The following GAS7 variants were observed in gnomAD, a reference collection of about 807,000 sequenced individuals.
GAS7 encodes the protein growth arrest-specific protein 7.
In GAS7, 28 loss-of-function variants were observed where a neutral mutation model predicts 71.1. The ratio of observed to expected loss-of-function variants is 0.39; its 90% confidence interval spans 0.29 to 0.54. GAS7 has a LOEUF of 0.54. GAS7 is among the 20% of genes least tolerant of loss of function. GAS7 has a pLI of 0.62. For synonymous variants in GAS7, 258 were observed against 245.8 expected (o/e 1.05, Z -0.46); for missense variants, 436 against 627.8 (o/e 0.69, Z 3.27).
intron 1 of GAS7, among the ~76,000 whole-genome samples, chr17:10,085,679 G>A (rs1410671695): frequency 1.2e-4 from 14 of 114,050 alleles, no homozygotes; most frequent in Admixed American, 2.3e-4. Flanking sequence ...GCGACAGAGC[G>A]AGATTCCGTC....
chr17:9,957,582 CCT>C (rs1339031092), intron 5 of GAS7, among the ~76,000 whole-genome samples: 4 of 149,502 alleles, frequency 2.7e-5, no homozygotes, highest in Non-Finnish European at 5.9e-5. Flanking sequence ...GACCTCCCCC[CCT>C]TTCTCCTCCC....
chr17:10,107,996 G>A (rs529474628), intron 1 of GAS7, among the ~76,000 whole-genome samples: 169 of 152,268 alleles, frequency 1.1e-3, no homozygotes, highest in Non-Finnish European at 1.9e-3. Context: ...CCCAGTGGGG[G>A]ACTGGGCAAG....
chr17:10,047,581 C>T (rs764779410), intron 1 of GAS7, among the ~76,000 whole-genome samples: 8 of 152,084 alleles, frequency 5.3e-5, no homozygotes, highest in Admixed American at 2.0e-4. Flanking sequence ...AGGAAGAGCA[C>T]GTCTCAGAAA....
chr17:10,133,108 T>TCATATATATATATATATATATATA (rs2074010037), intron 1 of GAS7, among the ~76,000 whole-genome samples: 1 of 124,154 alleles, frequency 8.1e-6, no homozygotes, highest in African/African-American at 3.0e-5. Context: ...TATAATTAGA[T>TCATATATATATATATATATATATA]TATATATTTT....
At chr17:10,188,392 A>G (rs1436966001) in intron 1 of GAS7, among the ~76,000 whole-genome samples, 2 of 152,228 alleles carry the variant, frequency 1.3e-5, no homozygotes, top group African/African-American at 4.8e-5. Context: ...GCTGTGATGT[A>G]ATATACGCTG....
Position 10,102,777 on chromosome 17 carries a change from G to A in GAS7, c.184-82880C>T, listed in dbSNP as rs117546119. 7.9e-3 allele frequency among the ~76,000 whole-genome samples: 1,197 copies of A among 151,322 alleles called. 17 individuals carry two copies. The highest frequency in any genetic ancestry group is 8.0e-3 in the Non-Finnish European group (545 of 67,850). ...TTTTTTTTTTTTGGTTTGGTTTCCG[G>A]GTCTTTATGTTCCCCAGATAATTCC... is the stretch of plus-strand genomic sequence containing the variant. On this transcript the variant is annotated intron_variant, in intron 1 of 13. Coordinates refer to ENST00000432992, the MANE Select transcript of GAS7 (RefSeq NM_201433.2).
rs1361677809 is a variant in GAS7 at position 9,959,588 on chromosome 17, C to T, written c.472-333G>A. ...CTCTGCTGGTGAACGTTCCGCGTGC[C>T]GCTTGCTGCCTGAAGCCGCGGAATC... On this transcript the variant is annotated intron_variant, in intron 4 of 13. Coordinates refer to ENST00000432992, the MANE Select transcript of GAS7 (RefSeq NM_201433.2). The surrounding 1 kb of genome is among the most constrained non-coding windows in gnomAD (Gnocchi z 5.0). The T allele has an allele frequency of 1.7e-5, 10 of 597,520 alleles. No homozygotes were observed. Among genetic ancestry groups the T allele is most frequent in the Middle Eastern group, 5.2e-4 (1 of 1,926 alleles). The allele number at this position is 597,520 out of a possible 1,614,324, so 37.0% of individuals were successfully genotyped here.
At chr17:10,157,285 C>T (rs946563694) in intron 1 of GAS7, among the ~76,000 whole-genome samples, 2 of 151,928 alleles carry the variant, frequency 1.3e-5, no homozygotes, top group Non-Finnish European at 2.9e-5. Context: ...TTGGAGCTGA[C>T]GAGGGGAATA....
At chr17:9,972,503 C>T (rs1177192963) in intron 3 of GAS7, among the ~76,000 whole-genome samples, 2 of 152,140 alleles carry the variant, frequency 1.3e-5, no homozygotes, top group African/African-American at 4.8e-5. Flanking sequence ...GACTGATTAA[C>T]AGACAAAAAC....
At chr17:10,007,401 G>C (rs1322719031) in intron 2 of GAS7, among the ~76,000 whole-genome samples, 1 of 152,014 alleles carries the variant, frequency 6.6e-6, no homozygotes, top group Non-Finnish European at 1.5e-5. Context: ...GAGGCTGGTG[G>C]ATCACCTGAG....
intron 1 of GAS7, among the ~76,000 whole-genome samples, chr17:10,196,011 AGCAGGGAAG>A (rs2074537672): frequency 6.6e-6 from 1 of 152,144 alleles, no homozygotes; most frequent in East Asian, 1.9e-4. Context: ...CTTTGGGGTT[AGCAGGGAAG>A]ATCCTCCAAG....
intron 1 of GAS7, among the ~76,000 whole-genome samples, chr17:10,094,725 C>T (rs1324973526): frequency 6.6e-6 from 1 of 152,122 alleles, no homozygotes; most frequent in African/African-American, 2.4e-5. Flanking sequence ...GCCTCGGCCT[C>T]CCAAAGTGCT....
intron 1 of GAS7, among the ~76,000 whole-genome samples, chr17:10,089,965 C>T (rs1023452554): frequency 4.6e-5 from 7 of 152,038 alleles, no homozygotes; most frequent in African/African-American, 9.7e-5. Flanking sequence ...GCCGGGAGTT[C>T]GAGACCAGCC....
At chr17:10,141,208 G>A (rs2074077780) in intron 1 of GAS7, among the ~76,000 whole-genome samples, 1 of 152,246 alleles carries the variant, frequency 6.6e-6, no homozygotes, top group Admixed American at 6.5e-5. Context: ...CCAGCACTTT[G>A]AGAGGCCGAG....
At chr17:9,927,429 G>A (rs139609189) in intron 9 of GAS7, among the ~76,000 whole-genome samples, 1,969 of 151,584 alleles carry the variant, frequency 0.013, 46 homozygotes, top group African/African-American at 0.045. Flanking sequence ...GCAGTGAGCC[G>A]AGATTGTGCC....
chr17:10,052,414 G>A (rs563131357), intron 1 of GAS7, among the ~76,000 whole-genome samples: 88 of 152,290 alleles, frequency 5.8e-4, no homozygotes, highest in Non-Finnish European at 9.8e-4. Flanking sequence ...GGGTCCCAGC[G>A]GGGAGAAACA....
At chr17:10,089,958 G>A (rs774460332) in intron 1 of GAS7, among the ~76,000 whole-genome samples, 23 of 152,010 alleles carry the variant, frequency 1.5e-4, no homozygotes, top group Non-Finnish European at 2.4e-4. Flanking sequence ...ACTTGAGGCC[G>A]GGAGTTCGAG....
intron 1 of GAS7, among the ~76,000 whole-genome samples, chr17:10,104,093 T>C (rs961102896): frequency 1.3e-5 from 2 of 152,188 alleles, no homozygotes; most frequent in Non-Finnish European, 1.5e-5. Flanking sequence ...TTCCTTCTCC[T>C]AACAGAAAAA....
rs147724971 is a variant in GAS7, at chr17:9,925,588, G to A, written c.1026C>T (p.Ala342=). 5.6e-4 allele frequency: 901 copies of A among 1,614,148 alleles called. 5 individuals carry two copies. The African/African-American group carries it at 0.011, about 21-fold the overall frequency. ...CCAGGTCTCTCTGCCGCTCTGTGAG[G>A]GCTTTCCGGGCCTGGGGTCCAAGGA... ...RYASVEKARK[A]LTERQRDLEM... is the part of the protein sequence containing the mutation. The change falls in exon 11 of 14, where the codon GCC becomes GCT. Residue 342 remains alanine, a synonymous_variant. Transcript: ENST00000432992.
Sources: gnomAD v4.1 joint callset for allele counts (sites outside exome capture counted in the v4.1 genomes callset) on GRCh38, gnomAD v4.1.1 for gene constraint, Gnocchi (gnomAD v3.1) non-coding constraint, MANE v1.5 for transcripts, NCBI Gene and HGNC (gene_info 2026-07-23, HGNC 2026-07-21) for gene names.